The following MGAT4C variants were observed in gnomAD, a reference collection of about 807,000 sequenced individuals.
MGAT4C encodes MGAT4 family member C.
In MGAT4C, 19 loss-of-function variants were observed where a neutral mutation model predicts 40.1. The ratio of observed to expected loss-of-function variants is 0.47; its 90% CI spans 0.33 to 0.70. MGAT4C has a LOEUF of 0.70. MGAT4C is among the 30% of genes least tolerant of loss of function. MGAT4C has a pLI of 0.02. For missense variants in MGAT4C, 491 were observed against 563.2 expected (o/e 0.87, Z 1.30); for synonymous variants, 181 against 187.1 (o/e 0.97, Z 0.27).
chr12:86,403,807 C>T (rs1450526622), intron 3 of MGAT4C, among the ~76,000 whole-genome samples: 1 of 152,120 alleles, frequency 6.6e-6, no homozygotes, highest in African/African-American at 2.4e-5. Context: ...CCAATGGGGA[C>T]ACTTTTATGA....
At chr12:86,780,907 C>T (rs1480865538) in intron 1 of MGAT4C, among the ~76,000 whole-genome samples, 4 of 152,072 alleles carry the variant, frequency 2.6e-5, no homozygotes, top group Non-Finnish European at 5.9e-5. Flanking sequence ...AGAATATGCG[C>T]TATTTGACTT....
At chr12:86,201,065 C>T (rs1207120362) in intron 1 of MGAT4C, among the ~76,000 whole-genome samples, 1 of 152,148 alleles carries the variant, frequency 6.6e-6, no homozygotes, top group Non-Finnish European at 1.5e-5. Context: ...GAAATACCCA[C>T]CCTGTGATAT....
At chr12:86,122,016 T>C (rs1227250420) in intron 1 of MGAT4C, among the ~76,000 whole-genome samples, 1 of 152,196 alleles carries the variant, frequency 6.6e-6, no homozygotes, top group African/African-American at 2.4e-5. Context: ...TTATTTGTTG[T>C]CTAGTTTTAT....
intron 2 of MGAT4C, among the ~76,000 whole-genome samples, chr12:86,695,100 G>T (rs1950232524): frequency 6.6e-6 from 1 of 152,132 alleles, no homozygotes; most frequent in Non-Finnish European, 1.5e-5. Flanking sequence ...ATTAAAAACT[G>T]GGCAGAAGAT....
chr12:86,428,012 T>A (rs1956962077), intron 3 of MGAT4C, among the ~76,000 whole-genome samples: 1 of 151,002 alleles, frequency 6.6e-6, no homozygotes, highest in South Asian at 2.1e-4. Context: ...AGAGCGAGAG[T>A]CCATTTCAAA....
At chr12:86,122,912 A>G (rs959410669) in intron 1 of MGAT4C, among the ~76,000 whole-genome samples, 4 of 152,210 alleles carry the variant, frequency 2.6e-5, no homozygotes, top group Non-Finnish European at 4.4e-5. Context: ...GTAATTAATT[A>G]TAAAAAGAAA....
chr12:86,734,916 T>C (rs189749392), intron 1 of MGAT4C, among the ~76,000 whole-genome samples: 31 of 152,118 alleles, frequency 2.0e-4, no homozygotes, highest in Admixed American at 9.2e-4. Flanking sequence ...AATAATATAC[T>C]GAGATTAAGA....
chr12:86,718,040 G>T (rs1950675640), intron 2 of MGAT4C, among the ~76,000 whole-genome samples: 1 of 152,064 alleles, frequency 6.6e-6, no homozygotes, highest in Non-Finnish European at 1.5e-5. Context: ...GTTTTTGTTG[G>T]TCATAATGGG....
intron 2 of MGAT4C, among the ~76,000 whole-genome samples, chr12:86,567,795 T>A (rs935168713): frequency 6.6e-6 from 1 of 152,172 alleles, no homozygotes; most frequent in African/African-American, 2.4e-5. Flanking sequence ...TCTTCCTTAT[T>A]TTGTTAAGGA....
chr12:85,983,495 C>T (rs1361108705), intron 4 of MGAT4C, 28 bp downstream of exon 4: 1 of 1,486,586 alleles, frequency 6.7e-7, no homozygotes, highest in East Asian at 2.4e-5. Flanking sequence ...TTTATGTATT[C>T]TTTATTTAAA....
At chr12:86,497,637 T>C (rs1958260670) in intron 2 of MGAT4C, among the ~76,000 whole-genome samples, 1 of 151,700 alleles carries the variant, frequency 6.6e-6, no homozygotes, top group African/African-American at 2.4e-5. Flanking sequence ...ATTCTCATAA[T>C]ACCAGATAAC....
At chr12:86,154,682 C>CA (rs753767715) in intron 1 of MGAT4C, among the ~76,000 whole-genome samples, 58 of 151,726 alleles carry the variant, frequency 3.8e-4, no homozygotes, top group Non-Finnish European at 7.2e-4. Flanking sequence ...ACATCTAGAT[C>CA]AAAAAAAAGA....
At chr12:86,152,220 C>T (rs546471064) in intron 1 of MGAT4C, among the ~76,000 whole-genome samples, 2 of 152,320 alleles carry the variant, frequency 1.3e-5, no homozygotes, top group South Asian at 2.1e-4. Flanking sequence ...TATAACAAAA[C>T]ATCTGAGACT....
intron 1 of MGAT4C, among the ~76,000 whole-genome samples, chr12:86,750,292 C>T (rs1323723707): frequency 1.3e-5 from 2 of 151,840 alleles, no homozygotes; most frequent in African/African-American, 4.8e-5. Flanking sequence ...AAAGTCCCTA[C>T]ATAGATGAGG....
At chr12:86,286,138 T>C (rs1383840743) in intron 4 of MGAT4C, among the ~76,000 whole-genome samples, 2 of 152,134 alleles carry the variant, frequency 1.3e-5, no homozygotes, top group African/African-American at 4.8e-5. Flanking sequence ...ATCCTTTTCT[T>C]GTCCTTTAAA....
At chr12:86,214,491 G>A (rs1379704615) in intron 1 of MGAT4C, among the ~76,000 whole-genome samples, 3 of 152,122 alleles carry the variant, frequency 2.0e-5, no homozygotes, top group Admixed American at 6.5e-5. Flanking sequence ...CATAGACAGG[G>A]TGGCATAACA....
At chr12:86,406,609 T>C (rs750536482) in intron 3 of MGAT4C, among the ~76,000 whole-genome samples, 3 of 151,884 alleles carry the variant, frequency 2.0e-5, no homozygotes, top group Non-Finnish European at 4.4e-5. Context: ...ACAGTGACAA[T>C]AGCAAAAGTT....
At chr12:86,724,528 T>C (rs558651434) in intron 2 of MGAT4C, among the ~76,000 whole-genome samples, 2 of 152,272 alleles carry the variant, frequency 1.3e-5, no homozygotes, top group South Asian at 4.1e-4. Context: ...TATGTGTAGG[T>C]TGATTATGAT....
intron 1 of MGAT4C, among the ~76,000 whole-genome samples, chr12:86,818,003 C>T (rs1434456908): frequency 6.6e-6 from 1 of 151,288 alleles, no homozygotes; most frequent in Non-Finnish European, 1.5e-5. Flanking sequence ...AACTATAAAC[C>T]TAGTACCCTA....
Sources: gnomAD v4.1 joint callset for allele counts (sites outside exome capture counted in the v4.1 genomes callset) on GRCh38, gnomAD v4.1.1 for gene constraint, MANE v1.5 for transcripts, NCBI Gene and HGNC (gene_info 2026-07-23, HGNC 2026-07-21) for gene names.